RABGAP1L: variants seen among roughly 807,000 people sequenced by gnomAD.
The protein encoded by RABGAP1L is RAB GTPase activating protein 1 like, also known as rab GTPase-activating protein 1-like.
RABGAP1L carries 63 observed loss-of-function variants against 137.7 expected under a neutral mutation model. The observed-to-expected ratio is 0.46, with a 90% CI of 0.37 to 0.56. The LOEUF (loss-of-function observed/expected upper bound fraction) is 0.56. Ranked by LOEUF, RABGAP1L falls within the 20% of genes least tolerant of loss-of-function variation. The probability of loss-of-function intolerance (pLI) is 0.00; values close to 1 mark genes in which losing one functional copy is unlikely to be tolerated. For missense variants in RABGAP1L, 1,095 were observed against 1,244.0 expected, an observed-to-expected ratio of 0.88 and a Z score of 1.80; for synonymous variants, 431 against 433.7, an observed-to-expected ratio of 0.99 and a Z score of 0.08.
Position 174,629,767 on chromosome 1 carries a change from G to A in RABGAP1L, c.1711-7608G>A, listed in dbSNP as rs372586270. Among the ~76,000 whole-genome samples the A allele has an allele frequency of 5.3e-5, 8 of 152,140 alleles. No individual in the cohort carries two copies. The South Asian group carries it at 8.3e-4, about 16-fold the overall frequency. On this transcript the variant is annotated intron_variant, in intron 13 of 25. Transcript: ENST00000681986. Reference sequence around the variant, plus strand: ...TCGAAGTCCTGAGCTCAGGCAATCCGCCCGCCTCAGCCTCCCAAAGTGCTG... The same window carrying A: ...TCGAAGTCCTGAGCTCAGGCAATCCACCCGCCTCAGCCTCCCAAAGTGCTG...
At chr1:174,377,074 T>C (rs745429280) in intron 12 of RABGAP1L, among the ~76,000 whole-genome samples, 2 of 151,744 alleles carry the variant, frequency 1.3e-5, no homozygotes, top group African/African-American at 4.8e-5. Context: ...CAGTGAAAAA[T>C]TGGAAATAGA....
intron 13 of RABGAP1L, among the ~76,000 whole-genome samples, chr1:174,609,640 A>G (rs1047821686): frequency 6.6e-6 from 1 of 152,166 alleles, no homozygotes; most frequent in African/African-American, 2.4e-5. Flanking sequence ...TCAATCTACT[A>G]CTTCAAGCTA....
intron 15 of RABGAP1L, among the ~76,000 whole-genome samples, chr1:174,688,274 T>G (rs1678625468): frequency 6.6e-6 from 1 of 152,132 alleles, no homozygotes; most frequent in South Asian, 2.1e-4. Context: ...CCAATAATTT[T>G]TCTACAATAT....
intron 20 of RABGAP1L, 119 bp from the exon 21 acceptor site, chr1:174,969,158 C>T (rs1198359764): frequency 2.9e-5 from 21 of 724,460 alleles, no homozygotes; most frequent in South Asian, 1.7e-4. Context: ...GTGCCACTTG[C>T]GCCTTCTCCT....
At chr1:174,165,453 T>G (rs1664826862) in intron 1 of RABGAP1L, among the ~76,000 whole-genome samples, 1 of 150,478 alleles carries the variant, frequency 6.6e-6, no homozygotes, top group Non-Finnish European at 1.5e-5. Flanking sequence ...CCCGGTCTAC[T>G]TTTAGTTTTA....
intron 14 of RABGAP1L, among the ~76,000 whole-genome samples, chr1:174,660,803 G>T (rs951369707): frequency 2.6e-5 from 4 of 152,078 alleles, no homozygotes; most frequent in Non-Finnish European, 5.9e-5. Context: ...AATATGGCCT[G>T]CCTTAACCAC....
intron 1 of RABGAP1L, among the ~76,000 whole-genome samples, chr1:174,178,337 G>T (rs79936019): frequency 0.089 from 13,590 of 152,144 alleles, 810 homozygotes; most frequent in East Asian, 0.22. Flanking sequence ...AGACTTTGCC[G>T]AAGTTGCTTA....
chr1:174,974,683 G>A (rs1310670426), intron 21 of RABGAP1L, among the ~76,000 whole-genome samples: 1 of 152,184 alleles, frequency 6.6e-6, no homozygotes, highest in East Asian at 1.9e-4. Flanking sequence ...GGTTTCAAAT[G>A]ATCTGCAAAC....
At chr1:174,351,127 T>G (rs982794082) in intron 11 of RABGAP1L, among the ~76,000 whole-genome samples, 2 of 148,890 alleles carry the variant, frequency 1.3e-5, no homozygotes, top group Admixed American at 6.7e-5. Context: ...TATCTTATTA[T>G]CTTGTCTAAC....
intron 3 of RABGAP1L, among the ~76,000 whole-genome samples, chr1:174,224,955 T>G (rs1670053889): frequency 6.6e-6 from 1 of 152,048 alleles, no homozygotes; most frequent in African/African-American, 2.4e-5. Flanking sequence ...TTTGGATCAC[T>G]GAGATTCTTG....
Position 174,276,528 on chromosome 1 carries a change from C to T in RABGAP1L, c.1156+593C>T, listed in dbSNP as rs185865367. Among the ~76,000 whole-genome samples, 4 of 151,828 alleles carry T rather than the reference C, an allele frequency of 2.6e-5. No individual in the cohort carries two copies. In the East Asian group the frequency reaches 5.8e-4, roughly 22 times the overall value. ...TATAGAGTTATTTCATTTGTGGAGA[C>T]TAGTGATGGAGAAATATTAAAGAAA... On this transcript the variant is annotated intron_variant, in intron 9 of 25. Transcript: ENST00000681986.
intron 19 of RABGAP1L, among the ~76,000 whole-genome samples, chr1:174,956,539 A>G (rs559739584): frequency 3.9e-4 from 60 of 152,202 alleles, no homozygotes; most frequent in Non-Finnish European, 7.8e-4. Context: ...ATGACTTTCT[A>G]TTATCTCATA....
intron 19 of RABGAP1L, among the ~76,000 whole-genome samples, chr1:174,837,888 T>C (rs1044524547): frequency 6.6e-6 from 1 of 152,198 alleles, no homozygotes; most frequent in African/African-American, 2.4e-5. Flanking sequence ...AAATCTTTTG[T>C]CTGTGTGGTC....
intron 19 of RABGAP1L, among the ~76,000 whole-genome samples, chr1:174,912,165 G>C (rs890332743): frequency 6.6e-6 from 1 of 151,930 alleles, no homozygotes; most frequent in African/African-American, 2.4e-5. Flanking sequence ...TTGGACACAG[G>C]GTCTCTCTCT....
chr1:174,332,191 C>T (rs1054784541), intron 11 of RABGAP1L, among the ~76,000 whole-genome samples: 1 of 152,088 alleles, frequency 6.6e-6, no homozygotes, highest in Non-Finnish European at 1.5e-5. Context: ...TGTCAGTATT[C>T]AAGGCTATAA....
chr1:174,260,709 T>C (rs1032221081), intron 7 of RABGAP1L, among the ~76,000 whole-genome samples: 1 of 152,196 alleles, frequency 6.6e-6, no homozygotes, highest in Admixed American at 6.5e-5. Context: ...TACTAACACA[T>C]TGATATGTAT....
chr1:174,668,123 G>T (rs547074098), intron 14 of RABGAP1L, among the ~76,000 whole-genome samples: 1 of 152,282 alleles, frequency 6.6e-6, no homozygotes, highest in South Asian at 2.1e-4. Context: ...CTGCCACCTA[G>T]ATTCTAGAAT....
chr1:174,717,623 T>A (rs1681130423), intron 17 of RABGAP1L, among the ~76,000 whole-genome samples: 3 of 152,104 alleles, frequency 2.0e-5, no homozygotes, highest in Admixed American at 6.5e-5. Context: ...ATGCAAAATT[T>A]TTACAAAAAA....
At chr1:174,483,198 C>T (rs960333002) in intron 13 of RABGAP1L, among the ~76,000 whole-genome samples, 3 of 151,630 alleles carry the variant, frequency 2.0e-5, no homozygotes, top group Non-Finnish European at 2.9e-5. Context: ...CTATAGTTAC[C>T]CTGTTATGCT....
Sources: gnomAD v4.1 joint callset for allele counts (sites outside exome capture counted in the v4.1 genomes callset) on GRCh38, gnomAD v4.1.1 for gene constraint, MANE v1.5 for transcripts, NCBI Gene and HGNC (gene_info 2026-07-23, HGNC 2026-07-21) for gene names.